CRISP2: variants seen among roughly 807,000 people sequenced by gnomAD.
CRISP2 encodes cysteine rich secretory protein 2.
CRISP2 carries 29 observed loss-of-function variants against 31.7 expected under a neutral mutation model. The ratio of observed to expected loss-of-function variants is 0.92; its 90% confidence interval spans 0.68 to 1.25. The LOEUF is 1.25. CRISP2 is among the 50% of genes most tolerant of loss of function. CRISP2 has a pLI of 0.00. For synonymous variants in CRISP2, 111 were observed against 101.4 expected, an observed-to-expected ratio of 1.09 and a Z score of -0.57; for missense variants, 318 against 286.5, an observed-to-expected ratio of 1.11 and a Z score of -0.79.
At chr6:49,706,466 A>G (rs1386395759) in intron 4 of CRISP2, among the ~76,000 whole-genome samples, 1 of 152,178 alleles carries the variant, frequency 6.6e-6, no homozygotes, top group African/African-American at 2.4e-5. Flanking sequence ...ACAGAAACAT[A>G]ACTGATAAGG....
downstream of CRISP2, among the ~76,000 whole-genome samples, chr6:49,689,029 G>A (rs928297918): frequency 7.2e-5 from 11 of 151,914 alleles, no homozygotes; most frequent in African/African-American, 1.5e-4. Context: ...CTGCCATGAC[G>A]TCCGGCAAAT....
chr6:49,713,797 G>A (rs565623574), upstream of CRISP2, among the ~76,000 whole-genome samples: 2 of 152,316 alleles, frequency 1.3e-5, no homozygotes, highest in South Asian at 4.1e-4. Context: ...GGAGGAGGAG[G>A]GAGGTCATAT....
intron 3 of CRISP2, 60 bp from the exon 4 acceptor site, chr6:49,709,265 G>A: frequency 7.2e-7 from 1 of 1,385,830 alleles, no homozygotes; most frequent in Non-Finnish European, 1.0e-6. Context: ...CTTCTAAGAG[G>A]GGGAATACCA....
At chr6:49,695,182 C>T (rs1302738319) in intron 9 of CRISP2, among the ~76,000 whole-genome samples, 1 of 152,022 alleles carries the variant, frequency 6.6e-6, no homozygotes, top group African/African-American at 2.4e-5. Context: ...CTATTCATGG[C>T]AATTTATTAA....
At chr6:49,701,860 ATT>A (rs1263767728) in intron 4 of CRISP2, among the ~76,000 whole-genome samples, 1 of 102,028 alleles carries the variant, frequency 9.8e-6, no homozygotes, top group Admixed American at 1.3e-4. Context: ...TATAATATAT[ATT>A]ATTATATATT....
At chr6:49,701,728 ATG>A (rs1446037295) in intron 4 of CRISP2, among the ~76,000 whole-genome samples, 1 of 82,084 alleles carries the variant, frequency 1.2e-5, no homozygotes, top group Non-Finnish European at 2.3e-5. Context: ...TGTATATATA[ATG>A]TATATATACA....
chr6:49,712,852 C>G (rs1768280867), intron 1 of CRISP2, among the ~76,000 whole-genome samples: 1 of 152,148 alleles, frequency 6.6e-6, no homozygotes, highest in Non-Finnish European at 1.5e-5. Context: ...TCAGTAACTA[C>G]TAGTTGGCTA....
the CRISP2 span, among the ~76,000 whole-genome samples, chr6:49,684,969 C>G: frequency 6.6e-6 from 1 of 152,304 alleles, no homozygotes; most frequent in Admixed American, 6.5e-5. Flanking sequence ...TTGTTACTCT[C>G]TACTCCAGCC....
At chr6:49,687,768 G>A (rs923435011), downstream of CRISP2, among the ~76,000 whole-genome samples, 5 of 152,154 alleles carry the variant, frequency 3.3e-5, no homozygotes, top group Admixed American at 2.0e-4. Flanking sequence ...ATCACACAAC[G>A]TGGGTTTCTC....
chr6:49,701,052 G>A (rs1765582750), intron 4 of CRISP2, among the ~76,000 whole-genome samples: 2 of 152,008 alleles, frequency 1.3e-5, no homozygotes, highest in African/African-American at 4.8e-5. Flanking sequence ...TTAAAGCTTT[G>A]GGAATTGTGA....
Position 49,709,210 on chromosome 6 carries a change from G to A in CRISP2, c.-9-5C>T, listed in dbSNP as rs761201340. 6.2e-7 allele frequency: 1 copy of A among 1,612,866 alleles called. No individual in the cohort carries two copies. Among genetic ancestry groups the A allele is most frequent in the Admixed American group, 1.7e-5 (1 of 59,950 alleles). On this transcript the variant is annotated splice_region_variant and splice_polypyrimidine_tract_variant and intron_variant, in intron 3 of 9. Transcript: ENST00000339139. ...TAGTAAAGCCATTGCTGGAAACTAA[G>A]TCAAGAAAAACAAAGGTCTGCATTG...
At chr6:49,697,407 GGTGTGT>G (rs3056352) in intron 8 of CRISP2, among the ~76,000 whole-genome samples, 1 of 151,042 alleles carries the variant, frequency 6.6e-6, no homozygotes, top group Non-Finnish European at 1.5e-5. Context: ...TGTGTGTGGT[GGTGTGT>G]GTGTGTGTGT....
At position 49,709,125 on chromosome 6, in the gene CRISP2, C is replaced by A; in HGVS notation, c.66+6G>T. On this transcript the variant is annotated splice_donor_region_variant and intron_variant, in intron 4 of 9. Transcript: ENST00000339139. ...GCTCTGAAAAGATTTTCCATTTTAACCTTACCTTTCCTTCTGCAGGTAAAG... is the reference window on the plus strand; with the variant it reads ...GCTCTGAAAAGATTTTCCATTTTAAACTTACCTTTCCTTCTGCAGGTAAAG... 1.2e-6 allele frequency: 2 copies of A among 1,613,270 alleles called. No individual in the cohort carries two copies. The highest frequency in any genetic ancestry group is 8.5e-7 in the Non-Finnish European group (1 of 1,179,426).
Position 49,701,500 on chromosome 6 carries a change from GTATATA to G in CRISP2, c.67-722_67-717del, listed in dbSNP as rs1165518459. Among the ~76,000 whole-genome samples, 134 of 46,550 alleles carry G rather than the reference GTATATA, an allele frequency of 2.9e-3. 1 individual carries two copies. The highest frequency in any genetic ancestry group is 0.012 in the East Asian group (7 of 604). The allele number at this position is 46,550 out of a possible 152,430, so 30.5% of individuals were successfully genotyped here. ...AGCAGTATTACGTGTGTGTGTGTGTGTATATATATATATATATATATATATACACAC... is the reference window on the plus strand; with the variant it reads ...AGCAGTATTACGTGTGTGTGTGTGTGTATATATATATATATATATACACAC... On this transcript the variant is annotated intron_variant, in intron 4 of 9. Coordinates refer to ENST00000339139, the MANE Select transcript of CRISP2 (RefSeq NM_003296.4).
intron 4 of CRISP2, among the ~76,000 whole-genome samples, chr6:49,702,139 C>CATATATATATATATA (rs751022904): frequency 1.1e-5 from 1 of 91,526 alleles, no homozygotes; most frequent in Non-Finnish European, 2.1e-5. Context: ...TATATGTGTA[C>CATATATATATATATA]TATATATATA....
chr6:49,677,265 G>A, the CRISP2 span, among the ~76,000 whole-genome samples: 1 of 152,052 alleles, frequency 6.6e-6, no homozygotes, highest in African/African-American at 2.4e-5. Flanking sequence ...TAAGTTTTTA[G>A]ATATTTTTAC....
intron 5 of CRISP2, among the ~76,000 whole-genome samples, 183 bp downstream of exon 5, chr6:49,700,484 GT>G (rs1582065850): frequency 6.6e-6 from 1 of 152,102 alleles, no homozygotes; most frequent in Non-Finnish European, 1.5e-5. Flanking sequence ...GTATAATTGA[GT>G]TTTTTTAACC....
chr6:49,711,737 C>G (rs1253526485), intron 2 of CRISP2, among the ~76,000 whole-genome samples: 1 of 152,108 alleles, frequency 6.6e-6, no homozygotes, highest in Non-Finnish European at 1.5e-5. Context: ...CTACCTGTAG[C>G]TTATTGGTTA....
At chr6:49,678,799 A>G in the CRISP2 span, among the ~76,000 whole-genome samples, 1 of 152,174 alleles carries the variant, frequency 6.6e-6, no homozygotes, top group African/African-American at 2.4e-5. Context: ...TCACCTGAAA[A>G]AGAGGTTAGG....
Sources: gnomAD v4.1 joint callset for allele counts (sites outside exome capture counted in the v4.1 genomes callset) on GRCh38, gnomAD v4.1.1 for gene constraint, MANE v1.5 for transcripts, NCBI Gene and HGNC (gene_info 2026-07-23, HGNC 2026-07-21) for gene names.